The following ZNF33A variants were observed in gnomAD, a reference collection of about 807,000 sequenced individuals.
ZNF33A encodes brain my041 protein.
ZNF33A carries 9 observed loss-of-function variants against 15.9 expected under a neutral mutation model. The ratio of observed to expected loss-of-function variants is 0.57; its 90% CI spans 0.34 to 0.99. ZNF33A has a LOEUF of 0.99. Ranked by LOEUF, ZNF33A falls within the 50% of genes least tolerant of loss-of-function variation. The pLI, the probability that ZNF33A is intolerant of heterozygous loss-of-function variation, is 0.02. For missense variants in ZNF33A, 843 were observed against 941.6 expected (o/e 0.90, Z 1.37); for synonymous variants, 294 against 324.2 (o/e 0.91, Z 1.00).
At chr10:38,054,349 G>T (rs369804080) in intron 4 of ZNF33A, 26 bp from the exon 5 acceptor site, 1 of 1,502,124 alleles carries the variant, frequency 6.7e-7, no homozygotes, top group Non-Finnish European at 8.8e-7. Flanking sequence ...TATTTATGTG[G>T]TAAGATTAAT....
intron 3 of ZNF33A, 78 bp from the exon 4 acceptor site, chr10:38,017,213 C>T (rs2064497268): frequency 2.1e-6 from 3 of 1,447,246 alleles, no homozygotes; most frequent in Non-Finnish European, 2.9e-6. Context: ...TCGAAGCAGC[C>T]CCAGAAGCTT....
upstream of ZNF33A, chr10:38,010,633 C>G (rs373809610): frequency 2.4e-5 from 34 of 1,392,066 alleles, no homozygotes; most frequent in South Asian, 5.7e-5. Context: ...TCAAGCTGTG[C>G]GCGTGGGCTC....
At chr10:38,039,421 T>C (rs1480275151) in intron 4 of ZNF33A, 2 of 446,850 alleles carry the variant, frequency 4.5e-6, no homozygotes, top group Non-Finnish European at 9.0e-6. Context: ...AGAGATGGGG[T>C]TTCACCATGT....
chr10:38,053,550 A>T (rs544329002), intron 4 of ZNF33A, among the ~76,000 whole-genome samples: 1 of 152,140 alleles, frequency 6.6e-6, no homozygotes, highest in East Asian at 1.9e-4. Context: ...TAACATACAC[A>T]TTTTTGGGGG....
intron 4 of ZNF33A, among the ~76,000 whole-genome samples, chr10:38,036,845 A>C (rs1165709455): frequency 1.3e-5 from 2 of 152,376 alleles, no homozygotes; most frequent in East Asian, 3.8e-4. Context: ...GAGAACTCCC[A>C]AAACTATTAA....
At chr10:38,063,002 C>CAAAAAAAA (rs373779802), downstream of ZNF33A, among the ~76,000 whole-genome samples, 3 of 44,208 alleles carry the variant, frequency 6.8e-5, no homozygotes, top group African/African-American at 1.0e-4. Flanking sequence ...GACTCCATCT[C>CAAAAAAAA]AAAAAAAAAA....
chr10:38,033,208 G>A, intron 4 of ZNF33A, among the ~76,000 whole-genome samples: 1 of 152,170 alleles, frequency 6.6e-6, no homozygotes. Context: ...ATGGAACTGT[G>A]TGTGACCTTT....
At chr10:38,046,623 A>G (rs143362189) in intron 4 of ZNF33A, among the ~76,000 whole-genome samples, 199 of 152,334 alleles carry the variant, frequency 1.3e-3, no homozygotes, top group Admixed American at 3.5e-3. Flanking sequence ...GTCCATTGAA[A>G]TATTACCAGA....
In ZNF33A at chr10:38,018,135, A is replaced by G. The variant is rs565148312; in HGVS notation, c.250+749A>G. On this transcript the variant is annotated intron_variant, in intron 4 of 4. Transcript: ENST00000432900. ...ATATAAAAAAATAAATTATGCCTCT[A>G]AGTATATTATGTATACCTATATGTA... 3.3e-5 allele frequency among the ~76,000 whole-genome samples: 5 copies of G among 152,320 alleles called. No individual in the cohort carries two copies. The South Asian group carries it at 8.3e-4, about 25-fold the overall frequency.
Position 38,059,133 on chromosome 10 carries a change from A to G in ZNF33A, c.*2573A>G, listed in dbSNP as rs2066602464. On this transcript the variant is annotated 3_prime_UTR_variant, in exon 5 of 5. Transcript: ENST00000432900. ...GAAATACGATCATATCAATAGGTAC[A>G]GAAAAAGCATTTGACAAAATCCAAT... The G allele has an allele frequency of 6.6e-6, 1 of 152,258 alleles. No homozygotes were observed. Among genetic ancestry groups the G allele is most frequent in the African/African-American group, 2.4e-5 (1 of 41,482 alleles). 9.4% of individuals were successfully genotyped at this position (152,258 alleles called of 1,614,324 possible).
At chr10:38,010,807 GGA>G (rs1369432196) in intron 1 of ZNF33A, 24 bp downstream of exon 1, 6 of 1,597,436 alleles carry the variant, frequency 3.8e-6, no homozygotes, top group Admixed American at 1.7e-5. Flanking sequence ...GGTTGGGCAG[GGA>G]GAGAGAGGGA....
At chr10:38,047,181 C>T (rs73246314) in intron 4 of ZNF33A, among the ~76,000 whole-genome samples, 4 of 113,746 alleles carry the variant, frequency 3.5e-5, no homozygotes, top group Admixed American at 9.6e-5. Context: ...CGTCTCCCCC[C>T]ACCCCTGCCA....
chr10:38,061,771 G>A (rs2066656575), downstream of ZNF33A, among the ~76,000 whole-genome samples: 1 of 152,060 alleles, frequency 6.6e-6, no homozygotes, highest in African/African-American at 2.4e-5. Flanking sequence ...GACTAGCCTG[G>A]CCAACATGGT....
At chr10:38,013,357 C>A (rs1326098534) in intron 2 of ZNF33A, among the ~76,000 whole-genome samples, 3 of 151,824 alleles carry the variant, frequency 2.0e-5, no homozygotes, top group Non-Finnish European at 1.5e-5. Context: ...GATCTGCTCT[C>A]CTCAGCCTCC....
chr10:38,023,056 C>T (rs560165630), intron 4 of ZNF33A, among the ~76,000 whole-genome samples: 3 of 152,146 alleles, frequency 2.0e-5, no homozygotes, highest in South Asian at 4.1e-4. Flanking sequence ...GATGATTCTC[C>T]TGCGTCAGCC....
At chr10:38,013,422 G>A (rs903875246) in intron 2 of ZNF33A, among the ~76,000 whole-genome samples, 16 of 151,468 alleles carry the variant, frequency 1.1e-4, no homozygotes, top group African/African-American at 3.6e-4. Flanking sequence ...AAATTAAAAT[G>A]TATTTTATTA....
At chr10:38,010,923 G>A (rs987284551) in intron 1 of ZNF33A, 140 bp downstream of exon 1, 352 of 1,026,950 alleles carry the variant, frequency 3.4e-4, no homozygotes, top group Middle Eastern at 3.1e-4. Flanking sequence ...GGGCTGCAGC[G>A]TGTGGGCCAC....
At chr10:38,035,163 G>A (rs187011681) in intron 4 of ZNF33A, among the ~76,000 whole-genome samples, 1,424 of 131,062 alleles carry the variant, frequency 0.011, 28 homozygotes, top group African/African-American at 0.038. Flanking sequence ...TGTCACCCAG[G>A]TTGGAGGGCA....
At chr10:38,041,145 C>T (rs11011429) in intron 4 of ZNF33A, among the ~76,000 whole-genome samples, 1,908 of 151,776 alleles carry the variant, frequency 0.013, 28 homozygotes, top group Middle Eastern at 0.048. Flanking sequence ...TTATAGGTTT[C>T]GAGGGTACAA....
Sources: gnomAD v4.1 joint callset for allele counts (sites outside exome capture counted in the v4.1 genomes callset) on GRCh38, gnomAD v4.1.1 for gene constraint, MANE v1.5 for transcripts, NCBI Gene and HGNC (gene_info 2026-07-23, HGNC 2026-07-21) for gene names.